MYO18B: variants seen among roughly 807,000 people sequenced by gnomAD.
MYO18B encodes the protein unconventional myosin-XVIIIb.
MYO18B carries 204 observed loss-of-function variants against 273.0 expected under a neutral mutation model. The ratio of observed to expected loss-of-function variants is 0.75; its 90% CI spans 0.67 to 0.84. The LOEUF (loss-of-function observed/expected upper bound fraction) is 0.84, where lower values mean the gene tolerates loss of function less well. Ranked by LOEUF, MYO18B falls within the 40% of genes least tolerant of loss-of-function variation. MYO18B has a pLI of 0.00. For missense variants in MYO18B, 3,212 were observed against 3,287.6 expected (o/e 0.98, Z 0.56); for synonymous variants, 1,330 against 1,305.7 (o/e 1.02, Z -0.40).
chr22:25,841,101 T>C (rs1184732768), intron 17 of MYO18B, among the ~76,000 whole-genome samples: 1 of 152,082 alleles, frequency 6.6e-6, no homozygotes, highest in Non-Finnish European at 1.5e-5. Context: ...ATTTGCTGAG[T>C]GTTCCCACAA....
intron 38 of MYO18B, among the ~76,000 whole-genome samples, chr22:25,954,601 A>G (rs1317171873): frequency 2.6e-5 from 4 of 152,172 alleles, no homozygotes; most frequent in African/African-American, 9.7e-5. Flanking sequence ...TAACGTGCCC[A>G]AGGTCACATA....
chr22:25,977,995 C>T (rs73402497), intron 39 of MYO18B, among the ~76,000 whole-genome samples: 2,996 of 152,154 alleles, frequency 0.02, 97 homozygotes, highest in African/African-American at 0.069. Context: ...TGCATGCTAC[C>T]CAAGTTATGA....
intron 39 of MYO18B, among the ~76,000 whole-genome samples, chr22:25,962,279 T>C (rs2092926186): frequency 6.6e-6 from 1 of 152,136 alleles, no homozygotes; most frequent in African/African-American, 2.4e-5. Flanking sequence ...GCCCACCCCA[T>C]CAATGCATGT....
At chr22:26,003,130 G>A in intron 40 of MYO18B, 135 bp from the exon 41 acceptor site, 1 of 766,996 alleles carries the variant, frequency 1.3e-6, no homozygotes, top group East Asian at 2.7e-5. Context: ...GGGAAGGCAA[G>A]TGACTTCCCT....
intron 34 of MYO18B, among the ~76,000 whole-genome samples, chr22:25,931,538 T>C (rs2092500860): frequency 6.6e-6 from 1 of 152,194 alleles, no homozygotes; most frequent in Non-Finnish European, 1.5e-5. Flanking sequence ...AGGAGCCTTT[T>C]CTGTTTTGAA....
the MYO18B span, among the ~76,000 whole-genome samples, chr22:26,042,951 A>C: frequency 1.9e-3 from 296 of 152,308 alleles, no homozygotes; most frequent in African/African-American, 6.8e-3. Context: ...CGTGCAATGA[A>C]ATTGCTGAGA....
intron 7 of MYO18B, 145 bp downstream of exon 7, chr22:25,772,655 C>T (rs1601647661): frequency 1.3e-6 from 1 of 781,328 alleles, no homozygotes; most frequent in East Asian, 2.7e-5. Context: ...GGCATTGTGG[C>T]ATCCTGTGGC....
the MYO18B span, among the ~76,000 whole-genome samples, chr22:26,056,840 A>G: frequency 1.3e-5 from 2 of 152,196 alleles, no homozygotes; most frequent in African/African-American, 4.8e-5. Context: ...AACAGCATAA[A>G]TAGAAAACCA....
At chr22:25,927,946 T>C (rs892620318) in intron 34 of MYO18B, among the ~76,000 whole-genome samples, 2 of 152,182 alleles carry the variant, frequency 1.3e-5, no homozygotes, top group Non-Finnish European at 2.9e-5. Flanking sequence ...AGAGAGGAGC[T>C]GGTAGCTTTG....
chr22:26,028,094 A>T (rs1936399374), intron 43 of MYO18B, among the ~76,000 whole-genome samples: 1 of 151,908 alleles, frequency 6.6e-6, no homozygotes, highest in Non-Finnish European at 1.5e-5. Context: ...AAATACAAAA[A>T]ATTAGCCAGG....
chr22:25,850,065 C>G (rs891513292), intron 20 of MYO18B, among the ~76,000 whole-genome samples: 4 of 152,168 alleles, frequency 2.6e-5, no homozygotes, highest in African/African-American at 9.7e-5. Flanking sequence ...TCCCAGGTCC[C>G]CCATCTCTGT....
Position 25,908,388 on chromosome 22 carries a change from C to T in MYO18B, c.5215C>T (p.Gln1739Ter). ...GATGCACCAGAAGGACCGTGAGGAC[C>T]AGGAGGAGGAACTGGAGGATGTCCG... ...KQMHQKDRED[Q>*]EEELEDVRQS... The change falls in exon 32 of 44, where the codon CAG (glutamine) becomes TAG (stop). Residue 1739 changes from glutamine (Q) to a stop codon, truncating the protein, a stop_gained. Coordinates refer to ENST00000335473, the MANE Select transcript of MYO18B (RefSeq NM_032608.7). LOFTEE classifies it high-confidence loss of function. 1 of 1,602,988 alleles carries T rather than the reference C, an allele frequency of 6.2e-7. No homozygotes were observed. The highest frequency in any genetic ancestry group is 8.5e-7 in the Non-Finnish European group (1 of 1,175,020).
At chr22:25,862,042 T>C (rs1022099335) in intron 21 of MYO18B, among the ~76,000 whole-genome samples, 1 of 152,228 alleles carries the variant, frequency 6.6e-6, no homozygotes, top group African/African-American at 2.4e-5. Context: ...TACAGACTTA[T>C]TTTCTTGTCA....
intron 30 of MYO18B, among the ~76,000 whole-genome samples, chr22:25,903,420 C>T (rs560069171): frequency 4.6e-5 from 7 of 152,322 alleles, no homozygotes; most frequent in South Asian, 4.1e-4. Flanking sequence ...CTCCCACCCC[C>T]AACTCCATGC....
chr22:25,749,056 T>G (rs1203665799), intron 1 of MYO18B, among the ~76,000 whole-genome samples: 4 of 152,186 alleles, frequency 2.6e-5, no homozygotes, highest in African/African-American at 7.2e-5. Flanking sequence ...CAGAGCACCC[T>G]TCTTCCACTC....
chr22:26,000,141 GT>G (rs1569281696), intron 40 of MYO18B, among the ~76,000 whole-genome samples: 1 of 152,248 alleles, frequency 6.6e-6, no homozygotes, highest in Non-Finnish European at 1.5e-5. Context: ...GGGACAGGGG[GT>G]ACAGTAGGGA....
chr22:26,052,096 G>A, the MYO18B span, among the ~76,000 whole-genome samples: 1 of 152,212 alleles, frequency 6.6e-6, no homozygotes, highest in African/African-American at 2.4e-5. Flanking sequence ...AAAGGCAAGT[G>A]CTATGTTGAA....
Position 25,780,239 on chromosome 22 carries a change from T to C in MYO18B, c.2211+41T>C, listed in dbSNP as rs372435415. 910 of 1,573,648 alleles carry C rather than the reference T, an allele frequency of 5.8e-4. 1 individual carries two copies. The highest frequency in any genetic ancestry group is 7.1e-4 in the Non-Finnish European group (828 of 1,163,236). ...GGATGTGCAAGGGGGCCCTTGGGGC[T>C]GCTGTGTCTCTAACCCCGGGACTCA... On this transcript the variant is annotated intron_variant, in intron 9 of 43. Coordinates refer to ENST00000335473, the MANE Select transcript of MYO18B (RefSeq NM_032608.7).
chr22:25,843,998 G>A, intron 18 of MYO18B, 104 bp downstream of exon 18: 2 of 1,061,282 alleles, frequency 1.9e-6, no homozygotes, highest in Non-Finnish European at 2.6e-6. Flanking sequence ...GGGAGGGCCA[G>A]CCCAGGAATC....
Sources: allele counts gnomAD v4.1 joint callset (sites outside exome capture counted in the v4.1 genomes callset), GRCh38; gene constraint gnomAD v4.1.1; transcripts MANE v1.5; gene names NCBI Gene and HGNC (gene_info 2026-07-23, HGNC 2026-07-21).